The following FARP1 variants were observed in gnomAD, a reference collection of about 807,000 sequenced individuals.
FARP1 encodes FERM, ARHGEF and pleckstrin domain-containing protein 1.
FARP1 carries 52 observed loss-of-function variants against 128.8 expected under a neutral mutation model. The ratio of observed to expected loss-of-function variants is 0.40; its 90% CI spans 0.32 to 0.51. The LOEUF (loss-of-function observed/expected upper bound fraction) is 0.51, where lower values mean the gene tolerates loss of function less well. Among genes scored for constraint, FARP1 ranks in the 20% least tolerant of loss-of-function variants. The pLI is 0.45. For synonymous variants in FARP1, 580 were observed against 551.8 expected, an observed-to-expected ratio of 1.05 and a Z score of -0.72; for missense variants, 1,333 against 1,367.9, an observed-to-expected ratio of 0.97 and a Z score of 0.40.
intron 19 of FARP1, among the ~76,000 whole-genome samples, chr13:98,436,425 C>A (rs1350997608): frequency 6.6e-6 from 1 of 152,246 alleles, no homozygotes; most frequent in Admixed American, 6.5e-5. Flanking sequence ...CATCAAATCT[C>A]TCTCTGGGAT....
At position 98,378,959 on chromosome 13, in the gene FARP1, A is replaced by T. The variant is rs1483356002; in HGVS notation, c.496+1041A>T. 2.0e-5 allele frequency among the ~76,000 whole-genome samples: 2 copies of T among 98,358 alleles called. 1 individual carries two copies. Among genetic ancestry groups the T allele is most frequent in the South Asian group, 6.1e-4 (2 of 3,260 alleles). The allele number at this position is 98,358 out of a possible 152,430, so 64.5% of individuals were successfully genotyped here. A position where few individuals can be genotyped will look rare whatever the true frequency, so the allele number is the denominator to read the frequency against. The stretch of plus-strand genomic sequence containing the variant: ...ATAATCTATATATAATATATATATA[A>T]TATATACAATATATAATCTATATAT... On this transcript the variant is annotated intron_variant, in intron 6 of 26. Coordinates refer to ENST00000319562, the MANE Select transcript of FARP1 (RefSeq NM_005766.4).
At chr13:98,291,041 A>G (rs181756865) in intron 2 of FARP1, among the ~76,000 whole-genome samples, 1 of 152,296 alleles carries the variant, frequency 6.6e-6, no homozygotes, top group East Asian at 1.9e-4. Context: ...ATCCGTGAAC[A>G]ACGCAGGTTG....
At chr13:98,259,593 T>C (rs1054575182) in intron 2 of FARP1, among the ~76,000 whole-genome samples, 4 of 152,192 alleles carry the variant, frequency 2.6e-5, no homozygotes, top group African/African-American at 9.6e-5. Flanking sequence ...CACAGAGGCT[T>C]ACAGTGTTTG....
Position 98,349,675 on chromosome 13 carries a change from A to AGG in FARP1, c.276+5809_276+5810insGG, listed in dbSNP as rs1456839434. On this transcript the variant is annotated intron_variant, in intron 3 of 26. Coordinates refer to ENST00000319562, the MANE Select transcript of FARP1 (RefSeq NM_005766.4). ...ACAGAGCAAGACCCATCTCAGGGAA[A>AGG]AAAAAAAAAAAAAAAAAAAAAAAAA... 2.0e-3 allele frequency among the ~76,000 whole-genome samples: 146 copies of AGG among 72,878 alleles called. 2 individuals are homozygous for AGG. Among genetic ancestry groups the AGG allele is most frequent in the African/African-American group, 8.6e-3 (137 of 15,976 alleles). 47.8% of individuals were successfully genotyped at this position (72,878 alleles called of 152,430 possible).
intron 2 of FARP1, among the ~76,000 whole-genome samples, chr13:98,280,775 C>T (rs796687403): frequency 4.6e-5 from 7 of 152,264 alleles, no homozygotes; most frequent in African/African-American, 1.7e-4. Flanking sequence ...CATTTTTATT[C>T]TTCATTTTAC....
intron 2 of FARP1, among the ~76,000 whole-genome samples, chr13:98,219,876 C>T (rs1432413617): frequency 2.0e-5 from 3 of 151,810 alleles, no homozygotes; most frequent in African/African-American, 4.8e-5. Context: ...GCTATGTTGC[C>T]CAGGCTGGTC....
intron 1 of FARP1, among the ~76,000 whole-genome samples, chr13:98,161,745 C>A (rs761869251): frequency 3.9e-5 from 6 of 151,934 alleles, no homozygotes; most frequent in Admixed American, 3.9e-4. Flanking sequence ...CTCTTTCTTT[C>A]CTTCCCTCCC....
intron 2 of FARP1, among the ~76,000 whole-genome samples, chr13:98,265,434 C>A (rs1422961118): frequency 6.8e-6 from 1 of 147,958 alleles, no homozygotes; most frequent in Non-Finnish European, 1.5e-5. Flanking sequence ...ATTCTCCTGC[C>A]TCAGCCTCCC....
chr13:98,341,874 A>G (rs1291644307), intron 2 of FARP1, among the ~76,000 whole-genome samples: 1 of 152,202 alleles, frequency 6.6e-6, no homozygotes, highest in East Asian at 1.9e-4. Flanking sequence ...TAGAAAATGC[A>G]TGAATAGTAT....
At chr13:98,341,587 G>A (rs1266048892) in intron 2 of FARP1, among the ~76,000 whole-genome samples, 5 of 152,152 alleles carry the variant, frequency 3.3e-5, no homozygotes, top group Admixed American at 6.5e-5. Flanking sequence ...AGCCAAGATC[G>A]TGCCACTGTA....
chr13:98,420,287 A>T (rs981475599), intron 16 of FARP1, among the ~76,000 whole-genome samples: 1 of 151,964 alleles, frequency 6.6e-6, no homozygotes, highest in Non-Finnish European at 1.5e-5. Flanking sequence ...TGGAGACAAA[A>T]CTCGTCATAC....
chr13:98,399,289 A>G (rs1166482882), intron 13 of FARP1: 1 of 152,236 alleles, frequency 6.6e-6, no homozygotes, highest in African/African-American at 2.4e-5. Context: ...CCGTTTATAC[A>G]TTCTTTGAGC....
At chr13:98,300,972 T>TC (rs1394288552) in intron 2 of FARP1, among the ~76,000 whole-genome samples, 3 of 152,288 alleles carry the variant, frequency 2.0e-5, no homozygotes, top group Admixed American at 2.0e-4. Context: ...GAATTGGTGA[T>TC]CCTGTTGTTG....
chr13:98,178,970 G>A (rs188748562), intron 1 of FARP1, among the ~76,000 whole-genome samples: 17 of 152,300 alleles, frequency 1.1e-4, no homozygotes, highest in Admixed American at 5.9e-4. Context: ...GGAATCCATC[G>A]GTATTGTTGG....
intron 1 of FARP1, among the ~76,000 whole-genome samples, chr13:98,211,517 A>G (rs1416990724): frequency 6.6e-6 from 1 of 152,262 alleles, no homozygotes; most frequent in Non-Finnish European, 1.5e-5. Context: ...CTGCTCTAGC[A>G]CCTGACTTCA....
At chr13:98,376,767 T>G (rs1198744303) in intron 5 of FARP1, among the ~76,000 whole-genome samples, 6 of 150,610 alleles carry the variant, frequency 4.0e-5, no homozygotes, top group Admixed American at 3.3e-4. Context: ...GTGTTTTTTT[T>G]TTTTTTTTTT....
At chr13:98,258,362 G>A (rs541512905) in intron 2 of FARP1, among the ~76,000 whole-genome samples, 1 of 152,284 alleles carries the variant, frequency 6.6e-6, no homozygotes, top group South Asian at 2.1e-4. Flanking sequence ...CAGACTCCCT[G>A]TACTTTTAAC....
At chr13:98,296,752 C>T (rs545371075) in intron 2 of FARP1, among the ~76,000 whole-genome samples, 8 of 140,090 alleles carry the variant, frequency 5.7e-5, no homozygotes, top group Non-Finnish European at 9.0e-5. Context: ...AGTGCAGTGA[C>T]ATAGCTCACT....
At position 98,450,895 on chromosome 13, in the gene FARP1, A is replaced by G. The variant is rs1215798990; in HGVS notation, c.*2578A>G. Reference sequence around the variant, plus strand: ...CGTCTACAGAAAGTAACAGCCCAGGAGAGAATGTACACAGAGGCGAGCTTT... The same window carrying G: ...CGTCTACAGAAAGTAACAGCCCAGGGGAGAATGTACACAGAGGCGAGCTTT... On this transcript the variant is annotated 3_prime_UTR_variant, in exon 27 of 27. Coordinates refer to ENST00000319562, the MANE Select transcript of FARP1 (RefSeq NM_005766.4). The G allele has an allele frequency of 2.0e-5, 3 of 152,210 alleles. No homozygotes were observed. The highest frequency in any genetic ancestry group is 7.2e-5 in the African/African-American group (3 of 41,452). The allele number at this position is 152,210 out of a possible 1,614,324, so 9.4% of individuals were successfully genotyped here.
Sources: allele counts gnomAD v4.1 joint callset (sites outside exome capture counted in the v4.1 genomes callset), GRCh38; gene constraint gnomAD v4.1.1; transcripts MANE v1.5; gene names NCBI Gene and HGNC (gene_info 2026-07-23, HGNC 2026-07-21).